The following HS3ST4 variants were observed in gnomAD, a reference collection of about 807,000 sequenced individuals.
HS3ST4 encodes the protein heparan sulfate glucosamine 3-O-sulfotransferase 4.
In HS3ST4, 17 loss-of-function variants were observed where a neutral mutation model predicts 29.2. The observed-to-expected ratio is 0.58, with a 90% CI of 0.40 to 0.87. The LOEUF is 0.87. Among genes scored for constraint, HS3ST4 ranks in the 40% least tolerant of loss-of-function variants. The pLI is 0.00. For synonymous variants in HS3ST4, 314 were observed against 285.7 expected, an observed-to-expected ratio of 1.10 and a Z score of -1.00; for missense variants, 627 against 634.5, an observed-to-expected ratio of 0.99 and a Z score of 0.13.
At chr16:25,857,832 A>G (rs559832330) in intron 1 of HS3ST4, among the ~76,000 whole-genome samples, 2 of 151,954 alleles carry the variant, frequency 1.3e-5, no homozygotes, top group African/African-American at 4.8e-5. Flanking sequence ...TTGTCCTGGA[A>G]TCCTTAATTT....
At chr16:25,806,709 T>C (rs763250512) in intron 1 of HS3ST4, among the ~76,000 whole-genome samples, 1 of 152,280 alleles carries the variant, frequency 6.6e-6, no homozygotes, top group Middle Eastern at 3.4e-3. Context: ...TTTTCCCTAA[T>C]GGTAACATAT....
chr16:25,853,410 T>G (rs1311246282), intron 1 of HS3ST4, among the ~76,000 whole-genome samples: 2 of 152,108 alleles, frequency 1.3e-5, no homozygotes, highest in African/African-American at 4.8e-5. Flanking sequence ...TCTGGCATAA[T>G]TTCTCTTGCT....
intron 1 of HS3ST4, among the ~76,000 whole-genome samples, chr16:25,978,260 C>T (rs1451886686): frequency 2.6e-5 from 4 of 152,160 alleles, no homozygotes; most frequent in Non-Finnish European, 5.9e-5. Context: ...CTCAGAAATC[C>T]CAGCCATTAG....
intron 1 of HS3ST4, among the ~76,000 whole-genome samples, chr16:25,987,673 C>T (rs769932463): frequency 1.3e-5 from 2 of 152,128 alleles, no homozygotes; most frequent in Admixed American, 6.5e-5. Context: ...CTGATGTGGC[C>T]GCCAGTGTTC....
At chr16:26,117,537 G>T (rs961611152) in intron 1 of HS3ST4, among the ~76,000 whole-genome samples, 9 of 152,214 alleles carry the variant, frequency 5.9e-5, no homozygotes, top group Non-Finnish European at 1.3e-4. Flanking sequence ...TGCATTTCAT[G>T]GCTGAGGTCG....
intron 1 of HS3ST4, among the ~76,000 whole-genome samples, chr16:25,933,103 C>T (rs9923935): frequency 0.16 from 24,753 of 152,102 alleles, 2,274 homozygotes; most frequent in South Asian, 0.31. Context: ...TTTTGCTTCT[C>T]GGTATCTGTT....
chr16:25,717,016 T>C (rs1192278179), intron 1 of HS3ST4, among the ~76,000 whole-genome samples: 2 of 151,868 alleles, frequency 1.3e-5, no homozygotes, highest in Non-Finnish European at 2.9e-5. Context: ...TTCGGGCCAT[T>C]GCACTCCAGC....
intron 1 of HS3ST4, among the ~76,000 whole-genome samples, chr16:25,910,329 A>G (rs1439103600): frequency 6.6e-6 from 1 of 152,182 alleles, no homozygotes; most frequent in East Asian, 1.9e-4. Flanking sequence ...TCCATGAAAC[A>G]TTGGAGTTTA....
At chr16:26,103,746 A>G (rs1012697885) in intron 1 of HS3ST4, among the ~76,000 whole-genome samples, 1 of 152,180 alleles carries the variant, frequency 6.6e-6, no homozygotes, top group Non-Finnish European at 1.5e-5. Flanking sequence ...TTAAAATTCA[A>G]TACCCTTGAG....
intron 1 of HS3ST4, among the ~76,000 whole-genome samples, chr16:25,804,988 C>G (rs1966976199): frequency 6.6e-6 from 1 of 151,956 alleles, no homozygotes; most frequent in Non-Finnish European, 1.5e-5. Context: ...CAAGGGTACC[C>G]CAACCTCAGG....
chr16:26,087,891 A>G (rs1180118713), intron 1 of HS3ST4, among the ~76,000 whole-genome samples: 3 of 152,100 alleles, frequency 2.0e-5, no homozygotes, highest in African/African-American at 7.2e-5. Context: ...TCCACTCCAA[A>G]TTATTTCGCT....
chr16:26,101,228 G>C (rs1000716118), intron 1 of HS3ST4, among the ~76,000 whole-genome samples: 1 of 152,174 alleles, frequency 6.6e-6, no homozygotes, highest in Admixed American at 6.5e-5. Flanking sequence ...ATTTCACCCA[G>C]AGGAGCTGCT....
chr16:25,977,013 C>T (rs58171447), intron 1 of HS3ST4, among the ~76,000 whole-genome samples: 5,319 of 152,228 alleles, frequency 0.035, 329 homozygotes, highest in African/African-American at 0.12. Context: ...TAGGATTTGG[C>T]CCATGGGCTA....
intron 1 of HS3ST4, among the ~76,000 whole-genome samples, chr16:25,960,801 T>A (rs4447433): frequency 0.82 from 124,418 of 152,176 alleles, 51,355 homozygotes; most frequent in African/African-American, 0.94. Flanking sequence ...ATATTTTGTA[T>A]GTTTGCCTTG....
chr16:25,698,392 C>T (rs970959026), intron 1 of HS3ST4, among the ~76,000 whole-genome samples: 4 of 152,124 alleles, frequency 2.6e-5, no homozygotes, highest in African/African-American at 7.2e-5. Context: ...AAACAAGCTT[C>T]GTGGCCCTAC....
At chr16:25,820,094 G>A (rs534292423) in intron 1 of HS3ST4, among the ~76,000 whole-genome samples, 5 of 146,902 alleles carry the variant, frequency 3.4e-5, no homozygotes, top group African/African-American at 1.3e-4. Flanking sequence ...TTTCCTCCTC[G>A]TGTGAATGTG....
At chr16:25,737,648 T>G (rs546370898) in intron 1 of HS3ST4, among the ~76,000 whole-genome samples, 6 of 152,240 alleles carry the variant, frequency 3.9e-5, no homozygotes, top group African/African-American at 1.4e-4. Flanking sequence ...GTACATTACT[T>G]GAGTAATGGT....
chr16:26,129,999 A>G (rs1429709834), intron 1 of HS3ST4, among the ~76,000 whole-genome samples: 1 of 152,200 alleles, frequency 6.6e-6, no homozygotes, highest in Non-Finnish European at 1.5e-5. Context: ...GCACCACTGC[A>G]TTCCAGTCTG....
intron 1 of HS3ST4, among the ~76,000 whole-genome samples, chr16:26,115,758 G>A (rs1899194492): frequency 6.6e-6 from 1 of 151,908 alleles, no homozygotes. Flanking sequence ...CTATAGACTT[G>A]GCAGAGTAAG....
Sources: allele counts gnomAD v4.1 joint callset (sites outside exome capture counted in the v4.1 genomes callset), GRCh38; gene constraint gnomAD v4.1.1; transcripts MANE v1.5; gene names NCBI Gene and HGNC (gene_info 2026-07-23, HGNC 2026-07-21).